The following NPC1 variants were observed in gnomAD, a reference collection of about 807,000 sequenced individuals.
The protein encoded by NPC1 is NPC intracellular cholesterol transporter 1, also known as Niemann-Pick C1 protein.
A neutral mutation model predicts 140.4 loss-of-function variants in NPC1; 85 were observed. That is an observed-to-expected ratio of 0.61 (90% confidence interval 0.51 to 0.72). The LOEUF (loss-of-function observed/expected upper bound fraction) is 0.72, where lower values mean the gene tolerates loss of function less well. Ranked by LOEUF, NPC1 falls within the 30% of genes least tolerant of loss-of-function variation. The probability of loss-of-function intolerance (pLI) is 0.00; values close to 1 mark genes in which losing one functional copy is unlikely to be tolerated. For missense variants in NPC1, 1,504 were observed against 1,623.8 expected, an observed-to-expected ratio of 0.93 and a Z score of 1.27; for synonymous variants, 656 against 624.8, an observed-to-expected ratio of 1.05 and a Z score of -0.74.
intron 10 of NPC1, among the ~76,000 whole-genome samples, chr18:23,549,611 C>G (rs1383773760): frequency 2.0e-5 from 3 of 152,110 alleles, no homozygotes; most frequent in African/African-American, 7.2e-5. Flanking sequence ...CGCACTCCAG[C>G]CTGGACAACA....
chr18:23,545,158 TA>T lies in NPC1; in HGVS notation c.1758-10del. 6.3e-7 allele frequency: 1 copy of T among 1,589,992 alleles called. No individual in the cohort carries two copies. The highest frequency in any genetic ancestry group is 8.6e-7 in the Non-Finnish European group (1 of 1,158,048). On this transcript the variant is annotated splice_polypyrimidine_tract_variant and intron_variant, in intron 11 of 24. Coordinates refer to ENST00000269228, the MANE Select transcript of NPC1 (RefSeq NM_000271.5). ...TCACAAAATTAATAAACCTAAAAGG[TA>T]AGCAAAATGTTATATTTTTAGTTAA...
intron 14 of NPC1, among the ~76,000 whole-genome samples, chr18:23,541,716 A>G (rs1288118042): frequency 6.6e-6 from 1 of 152,244 alleles, no homozygotes; most frequent in Admixed American, 6.5e-5. Flanking sequence ...ATTCACACAC[A>G]TTAAAATTTG....
intron 14 of NPC1, 121 bp from the exon 15 acceptor site, chr18:23,541,554 C>G: frequency 1.6e-6 from 2 of 1,289,426 alleles, no homozygotes; most frequent in Non-Finnish European, 2.2e-6. Context: ...CATGAGAAGG[C>G]ATGCTGCGGC....
chr18:23,556,450 G>C lies in NPC1; in HGVS notation c.1119C>G (p.Val373=), dbSNP rs1365432291. 1 of 1,614,182 alleles carries C rather than the reference G, an allele frequency of 6.2e-7. No homozygotes were observed. The highest frequency in any genetic ancestry group is 1.1e-5 in the South Asian group (1 of 91,076). ...ACSSGLVFVR[V]TTNPVDLWSA... is the part of the protein sequence containing the mutation. ...ACCAGAGGTCAACTGGATTGGTTGT[G>C]ACCCGGACAAACACCAGGCCTGACG... is the stretch of plus-strand genomic sequence containing the variant. The change falls in exon 8 of 25, where the codon GTC becomes GTG. Residue 373 remains valine, a synonymous_variant. Coordinates refer to ENST00000269228, the MANE Select transcript of NPC1 (RefSeq NM_000271.5).
At chr18:23,558,709 T>C (rs2058990873) in intron 6 of NPC1, among the ~76,000 whole-genome samples, 1 of 151,650 alleles carries the variant, frequency 6.6e-6, no homozygotes, top group Non-Finnish European at 1.5e-5. Context: ...TTGATCATTG[T>C]ACTATGAGTT....
chr18:23,524,586 C>G, downstream of NPC1: 1 of 1,188,310 alleles, frequency 8.4e-7, no homozygotes, highest in Non-Finnish European at 1.2e-6. Context: ...TAGAAATGAC[C>G]CCTCCTTTCA....
At chr18:23,544,823 G>T in intron 12 of NPC1, 137 bp downstream of exon 12, 1 of 743,662 alleles carries the variant, frequency 1.3e-6, no homozygotes, top group Non-Finnish European at 2.3e-6. Context: ...CAACAGAAAC[G>T]TTACATACAA....
chr18:23,543,266 C>G (rs1598951973), intron 14 of NPC1, among the ~76,000 whole-genome samples, 189 bp downstream of exon 14: 1 of 145,458 alleles, frequency 6.9e-6, no homozygotes, highest in African/African-American at 2.6e-5. Flanking sequence ...GAGGCGGAGG[C>G]TGCAGTGAGC....
In NPC1 at chr18:23,541,442, G is replaced by C. The variant is rs372137658; in HGVS notation, c.2246-9C>G. ...CATCACGGACAATGCTCCTGTCGGG[G>C]AGAGAAGGGCTCTGCGTCACTTCTG... On this transcript the variant is annotated splice_polypyrimidine_tract_variant and intron_variant, in intron 14 of 24. Coordinates refer to ENST00000269228, the MANE Select transcript of NPC1 (RefSeq NM_000271.5). The C allele has an allele frequency of 6.2e-7, 1 of 1,614,196 alleles. No individual in the cohort carries two copies. Among genetic ancestry groups the C allele is most frequent in the Non-Finnish European group, 8.5e-7 (1 of 1,180,040 alleles).
chr18:23,560,308 C>G lies in NPC1; in HGVS notation c.804G>C (p.Met268Ile). ...APWTILGLDAMYVIMWITYMA... is the reference protein window; with the variant it reads ...APWTILGLDAIYVIMWITYMA... ...TGTAGGTGATCCACATGATGACATACATGGCGTCCAAGCCAAGGATCGTCC... is the reference window on the plus strand; with the variant it reads ...TGTAGGTGATCCACATGATGACATAGATGGCGTCCAAGCCAAGGATCGTCC... Residue 268 changes from methionine to isoleucine, a missense_variant, in exon 6 of 25, where the codon ATG becomes ATC. By Grantham distance (10) the Met-to-Ile change is conservative. Coordinates refer to ENST00000269228, the MANE Select transcript of NPC1 (RefSeq NM_000271.5). The G allele has an allele frequency of 2.5e-6, 4 of 1,614,230 alleles. No homozygotes were observed. The highest frequency in any genetic ancestry group is 2.5e-6 in the Non-Finnish European group (3 of 1,180,042).
downstream of NPC1, among the ~76,000 whole-genome samples, chr18:23,525,050 G>C (rs574675346): frequency 4.8e-4 from 71 of 146,866 alleles, no homozygotes; most frequent in Non-Finnish European, 8.8e-4. Flanking sequence ...GGGTTCAAGC[G>C]ATTCTCCTGC....
chr18:23,551,807 T>C (rs2058877197), intron 9 of NPC1, 80 bp from the exon 10 acceptor site: 6 of 949,822 alleles, frequency 6.3e-6, no homozygotes, highest in South Asian at 5.2e-5. Context: ...ACAGTGAACA[T>C]TTGATGAGGC....
intron 1 of NPC1, among the ~76,000 whole-genome samples, chr18:23,580,879 G>A (rs950199364): frequency 6.6e-6 from 1 of 152,180 alleles, no homozygotes; most frequent in Non-Finnish European, 1.5e-5. Context: ...GGAGGCTGCC[G>A]GGCTGGTCTG....
chr18:23,565,092 T>C (rs1458445642), intron 4 of NPC1, among the ~76,000 whole-genome samples: 5 of 152,216 alleles, frequency 3.3e-5, no homozygotes, highest in Non-Finnish European at 5.9e-5. Flanking sequence ...CTGAGAAGTG[T>C]GAGTCTTCCT....
Position 23,568,663 on chromosome 18 carries a change from G to A in NPC1, c.463+160C>T, listed in dbSNP as rs529578840. 2.8e-4 allele frequency among the ~76,000 whole-genome samples: 43 copies of A among 152,302 alleles called. No homozygotes were observed. The South Asian group carries it at 8.7e-3, about 31-fold the overall frequency. On this transcript the variant is annotated intron_variant, in intron 4 of 24. Coordinates refer to ENST00000269228, the MANE Select transcript of NPC1 (RefSeq NM_000271.5). ...TAAGGAGATTTTTATATTCGTTGCA[G>A]TTCAAGTCCTAGGATACAAGCAAAG...
intron 10 of NPC1, among the ~76,000 whole-genome samples, chr18:23,550,020 GTTTT>G (rs879690133): frequency 7.1e-6 from 1 of 140,402 alleles, no homozygotes; most frequent in Non-Finnish European, 1.6e-5. Context: ...TTTTTGTCCA[GTTTT>G]TTTTTTTTTC....
chr18:23,556,634 G>C, intron 7 of NPC1, 21 bp from the exon 8 acceptor site: 1 of 1,613,580 alleles, frequency 6.2e-7, no homozygotes, highest in Non-Finnish European at 8.5e-7. Flanking sequence ...GGGAGAGGAA[G>C]GGAAGGTGGA....
At chr18:23,543,347 GAAAA>G in intron 14 of NPC1, 104 bp downstream of exon 14, 1 of 404,274 alleles carries the variant, frequency 2.5e-6, no homozygotes, top group South Asian at 2.9e-5. Context: ...AAAAAAAAAA[GAAAA>G]AAAAAAAAAG....
downstream of NPC1, among the ~76,000 whole-genome samples, chr18:23,527,389 C>G (rs571133378): frequency 6.6e-6 from 1 of 151,982 alleles, no homozygotes; most frequent in South Asian, 2.1e-4. Context: ...CAGAGCAAGA[C>G]CCTGTATCCA....
Sources: gnomAD v4.1 joint callset for allele counts (sites outside exome capture counted in the v4.1 genomes callset) on GRCh38, gnomAD v4.1.1 for gene constraint, MANE v1.5 for transcripts, NCBI Gene and HGNC (gene_info 2026-07-23, HGNC 2026-07-21) for gene names.